Variants in TMEFF2 observed in about 807,000 individuals in gnomAD.
The protein encoded by TMEFF2 is transmembrane protein with EGF like and two follistatin like domains 2.
TMEFF2 carries 28 observed loss-of-function variants against 53.8 expected under a neutral mutation model. The observed-to-expected ratio is 0.52, with a 90% confidence interval of 0.39 to 0.71. TMEFF2 has a LOEUF of 0.71. TMEFF2 is among the 30% of genes least tolerant of loss of function. TMEFF2 has a pLI of 0.00. For missense variants in TMEFF2, 353 were observed against 455.2 expected, an observed-to-expected ratio of 0.78 and a Z score of 2.04; for synonymous variants, 162 against 166.3, an observed-to-expected ratio of 0.97 and a Z score of 0.20.
At chr2:191,964,378 CTTTCTTTCTTTCTTTCTTTCTCTTTCTT>C (rs1559063588) in intron 7 of TMEFF2, among the ~76,000 whole-genome samples, 15 of 24,882 alleles carry the variant, frequency 6.0e-4, no homozygotes, top group African/African-American at 1.7e-3. Context: ...CTTTCTCTTT[CTTTCTTTCTTTCTTTCTTTCTCTTTCTT>C]TCTTTCTTTC....
At chr2:192,001,667 C>G (rs1322928978) in intron 5 of TMEFF2, among the ~76,000 whole-genome samples, 1 of 152,124 alleles carries the variant, frequency 6.6e-6, no homozygotes, top group Non-Finnish European at 1.5e-5. Context: ...TTGCTGTTCT[C>G]ATGATAGTGA....
chr2:192,125,001 T>C (rs1689643249), intron 4 of TMEFF2, among the ~76,000 whole-genome samples: 1 of 152,206 alleles, frequency 6.6e-6, no homozygotes, highest in African/African-American at 2.4e-5. Context: ...TTATGTTCTC[T>C]GTAAAACTCT....
intron 2 of TMEFF2, among the ~76,000 whole-genome samples, chr2:192,189,746 T>C (rs1691416108): frequency 6.6e-6 from 1 of 152,112 alleles, no homozygotes; most frequent in Non-Finnish European, 1.5e-5. Flanking sequence ...GACTCTTAGC[T>C]TAAAATATCC....
intron 4 of TMEFF2, among the ~76,000 whole-genome samples, chr2:192,104,225 A>G (rs73045726): frequency 0.1 from 15,406 of 152,184 alleles, 924 homozygotes; most frequent in East Asian, 0.2. Context: ...ATTTGCTGAC[A>G]GAAGTAGCGT....
chr2:192,182,587 G>A (rs956593907), intron 3 of TMEFF2, among the ~76,000 whole-genome samples: 2 of 151,922 alleles, frequency 1.3e-5, no homozygotes, highest in African/African-American at 2.4e-5. Flanking sequence ...GATTATATGC[G>A]CTGACAAGAA....
intron 4 of TMEFF2, among the ~76,000 whole-genome samples, chr2:192,097,945 G>A (rs543961070): frequency 4.9e-4 from 74 of 152,218 alleles, no homozygotes; most frequent in Admixed American, 1.4e-3. Context: ...CAGCTTGGAC[G>A]GAAGGGAGAA....
At chr2:192,086,040 T>C (rs1688663453) in intron 4 of TMEFF2, among the ~76,000 whole-genome samples, 1 of 152,164 alleles carries the variant, frequency 6.6e-6, no homozygotes, top group South Asian at 2.1e-4. Flanking sequence ...CTATAGGCCA[T>C]TGCAAAGATC....
chr2:192,080,262 G>A (rs1196852600), intron 4 of TMEFF2, among the ~76,000 whole-genome samples: 3 of 152,144 alleles, frequency 2.0e-5, no homozygotes, highest in Non-Finnish European at 2.9e-5. Flanking sequence ...ACGTGTCAAG[G>A]GAGAGACCAG....
intron 4 of TMEFF2, among the ~76,000 whole-genome samples, chr2:192,136,091 T>G (rs936100836): frequency 7.9e-5 from 12 of 152,322 alleles, no homozygotes; most frequent in Admixed American, 7.8e-4. Context: ...TGGTGGTCTC[T>G]TCACACAGAC....
intron 4 of TMEFF2, among the ~76,000 whole-genome samples, chr2:192,064,198 GTTA>G (rs1283431155): frequency 6.6e-6 from 1 of 151,566 alleles, no homozygotes; most frequent in East Asian, 1.9e-4. Context: ...GTGTTTCTTT[GTTA>G]TTATGATGGT....
chr2:191,960,723 C>A (rs1692247049), intron 7 of TMEFF2, among the ~76,000 whole-genome samples: 1 of 152,092 alleles, frequency 6.6e-6, no homozygotes, highest in Non-Finnish European at 1.5e-5. Context: ...TTGAAAAGAT[C>A]CTAAACTAGA....
chr2:191,950,243 T>TG lies in TMEFF2; in HGVS notation c.*67_*68insC. On this transcript the variant is annotated 3_prime_UTR_variant, in exon 10 of 10. Coordinates refer to ENST00000272771, the MANE Select transcript of TMEFF2 (RefSeq NM_016192.4). ...ATGTGTAGATCTCTTGTCTTATTCT[T>TG]TTGTCTATAATACTGTATTGTGTAG... 7.2e-7 allele frequency: 1 copy of TG among 1,389,786 alleles called. No individual in the cohort carries two copies. Among genetic ancestry groups the TG allele is most frequent in the Non-Finnish European group, 9.4e-7 (1 of 1,066,174 alleles). The allele number at this position is 1,389,786 out of a possible 1,614,324, so 86.1% of individuals were successfully genotyped here. A position where few individuals can be genotyped will look rare whatever the true frequency, so the allele number is the denominator to read the frequency against.
At chr2:192,080,372 C>T (rs913044039) in intron 4 of TMEFF2, among the ~76,000 whole-genome samples, 5 of 152,150 alleles carry the variant, frequency 3.3e-5, no homozygotes, top group South Asian at 2.1e-4. Context: ...GGGCTTATCC[C>T]GCTTTGCTGA....
At position 192,018,174 on chromosome 2, in the gene TMEFF2, A is replaced by G. The variant is rs1480035957; in HGVS notation, c.537-18966T>C. On this transcript the variant is annotated intron_variant, in intron 5 of 9. Coordinates refer to ENST00000272771, the MANE Select transcript of TMEFF2 (RefSeq NM_016192.4). ...TAAGAATGCAAGCCTTGTTAGAGGC[A>G]GTTTTTGTTTATCTGAGTCTCAGAT... Among the ~76,000 whole-genome samples, 5 of 152,312 alleles carry G rather than the reference A, an allele frequency of 3.3e-5. No individual in the cohort carries two copies. The East Asian group carries it at 9.7e-4, about 29-fold the overall frequency.
intron 4 of TMEFF2, among the ~76,000 whole-genome samples, chr2:192,112,214 C>T (rs1689297930): frequency 6.6e-6 from 1 of 152,194 alleles, no homozygotes; most frequent in South Asian, 2.1e-4. Context: ...GCTGCATACA[C>T]TCAACACTAG....
intron 8 of TMEFF2, among the ~76,000 whole-genome samples, chr2:191,955,163 G>T: frequency 9.4e-5 from 1 of 10,644 alleles, no homozygotes; most frequent in Admixed American, 2.6e-3. Context: ...GAGGAAGAGT[G>T]GGAGAGAGAG....
At chr2:192,057,356 C>T (rs947013729) in intron 5 of TMEFF2, among the ~76,000 whole-genome samples, 4 of 152,156 alleles carry the variant, frequency 2.6e-5, no homozygotes, top group Non-Finnish European at 4.4e-5. Context: ...TGAGCCATCA[C>T]ACCTGGCTCT....
At chr2:192,142,630 A>G (rs966161883) in intron 4 of TMEFF2, among the ~76,000 whole-genome samples, 3 of 152,176 alleles carry the variant, frequency 2.0e-5, no homozygotes, top group Non-Finnish European at 2.9e-5. Context: ...ACCATAAAGA[A>G]GTGTTAACTA....
At chr2:192,045,428 C>T (rs1687591778) in intron 5 of TMEFF2, among the ~76,000 whole-genome samples, 2 of 152,110 alleles carry the variant, frequency 1.3e-5, no homozygotes, top group Admixed American at 1.3e-4. Flanking sequence ...GTGGATAGAT[C>T]TCTCTCAATG....
Sources: allele counts gnomAD v4.1 joint callset (sites outside exome capture counted in the v4.1 genomes callset), GRCh38; gene constraint gnomAD v4.1.1; transcripts MANE v1.5; gene names NCBI Gene and HGNC (gene_info 2026-07-23, HGNC 2026-07-21).